SPRY3: variants seen among roughly 807,000 people sequenced by gnomAD.
The protein encoded by SPRY3 is protein sprouty homolog 3.
A neutral mutation model predicts 20.2 loss-of-function variants in SPRY3; 15 were observed. The observed-to-expected ratio is 0.74, with a 90% CI of 0.50 to 1.14. The LOEUF (loss-of-function observed/expected upper bound fraction) is 1.14. Ranked by LOEUF, SPRY3 falls within the 50% of genes most tolerant of loss-of-function variation. The probability of loss-of-function intolerance (pLI) is 0.00; values close to 1 mark genes in which losing one functional copy is unlikely to be tolerated. For synonymous variants in SPRY3, 143 were observed against 136.5 expected (o/e 1.05, Z -0.33); for missense variants, 364 against 363.9 (o/e 1.00, Z 0.00).
At chrX:155,635,065 G>A (rs1034300713) in intron 1 of SPRY3, among the ~76,000 whole-genome samples, 11 of 108,502 alleles carry the variant, frequency 1.0e-4, no homozygotes, top group Admixed American at 3.0e-4. Context: ...AGGCCCCAGC[G>A]TGTGATGCCC....
At chrX:155,674,075 G>A (rs2068052321) in intron 2 of SPRY3, among the ~76,000 whole-genome samples, 1 of 111,476 alleles carries the variant, frequency 9.0e-6, no homozygotes, top group Admixed American at 9.6e-5. Context: ...ATAACTGAAA[G>A]GAACCCAGAG....
chrX:155,750,703 A>C (rs1356035538), intron 2 of SPRY3, among the ~76,000 whole-genome samples: 1 of 151,834 alleles, frequency 6.6e-6, no homozygotes, highest in Non-Finnish European at 1.5e-5. Flanking sequence ...GTGAGAATGG[A>C]GTACTAGATT....
intron 2 of SPRY3, among the ~76,000 whole-genome samples, chrX:155,698,913 C>A (rs1461983623): frequency 9.0e-6 from 1 of 111,496 alleles, no homozygotes; most frequent in Non-Finnish European, 1.9e-5. Flanking sequence ...CAAAATTTAA[C>A]CTAATAAGTG....
At chrX:155,721,306 A>G (rs1173644902) in intron 2 of SPRY3, among the ~76,000 whole-genome samples, 1 of 152,178 alleles carries the variant, frequency 6.6e-6, no homozygotes, top group Non-Finnish European at 1.5e-5. Context: ...GGATCTAGAA[A>G]ATAGCCTGAA....
intron 1 of SPRY3, among the ~76,000 whole-genome samples, chrX:155,650,595 T>C (rs1320486836): frequency 8.9e-6 from 1 of 111,932 alleles, no homozygotes; most frequent in Non-Finnish European, 1.9e-5. Flanking sequence ...AGATCAAGTT[T>C]ATTAATTGGG....
At chrX:155,711,287 A>G (rs1267547907) in intron 2 of SPRY3, among the ~76,000 whole-genome samples, 1 of 151,392 alleles carries the variant, frequency 6.6e-6, no homozygotes, top group African/African-American at 2.4e-5. Flanking sequence ...TGGGTCCCAA[A>G]CTTTTCTTTA....
At chrX:155,763,667 C>A (rs1403437107) in intron 2 of SPRY3, among the ~76,000 whole-genome samples, 2 of 152,160 alleles carry the variant, frequency 1.3e-5, no homozygotes, top group Non-Finnish European at 2.9e-5. Flanking sequence ...AGACTCCATG[C>A]ACATTGCTAC....
Position 155,690,201 on chromosome X carries a change from C to T in SPRY3, c.-282+33176C>T, listed in dbSNP as rs1470147834. 6.7e-5 allele frequency among the ~76,000 whole-genome samples: 6 copies of T among 89,015 alleles called. 2 individuals carry two copies. The highest frequency in any genetic ancestry group is 3.2e-4 in the African/African-American group (6 of 18,674). 77.3% of individuals were successfully genotyped at this position (89,015 alleles called of 115,157 possible). On this transcript the variant is annotated intron_variant, in intron 2 of 3. Coordinates refer to ENST00000675360, the Ensembl canonical transcript of SPRY3. ...CAAGAGAGTGGTTGTTATGATTTCA[C>T]TTCTTTTGCATTTGCTTAGGAGTGT...
At chrX:155,623,957 C>A (rs1271714038) in intron 1 of SPRY3, among the ~76,000 whole-genome samples, 1 of 112,108 alleles carries the variant, frequency 8.9e-6, no homozygotes, top group Non-Finnish European at 1.9e-5. Flanking sequence ...ACATACCTTG[C>A]AGGATTAACG....
At chrX:155,688,738 T>C (rs951994295) in intron 2 of SPRY3, among the ~76,000 whole-genome samples, 1 of 106,139 alleles carries the variant, frequency 9.4e-6, no homozygotes, top group Non-Finnish European at 1.9e-5. Context: ...ATGTGCAGGT[T>C]TGTTACATAG....
At chrX:155,727,129 C>T (rs1312823658) in intron 2 of SPRY3, among the ~76,000 whole-genome samples, 1 of 152,112 alleles carries the variant, frequency 6.6e-6, no homozygotes, top group Non-Finnish European at 1.5e-5. Flanking sequence ...TGAATACTGG[C>T]CCCTACTCCC....
intron 2 of SPRY3, among the ~76,000 whole-genome samples, chrX:155,749,081 C>T (rs1019231251): frequency 6.6e-6 from 1 of 151,694 alleles, no homozygotes; most frequent in African/African-American, 2.4e-5. Context: ...CACACAATGC[C>T]CAATACATAA....
intron 2 of SPRY3, among the ~76,000 whole-genome samples, chrX:155,720,203 C>T (rs982632912): frequency 2.0e-5 from 3 of 152,124 alleles, no homozygotes; most frequent in Non-Finnish European, 2.9e-5. Context: ...CAGGGTGGGG[C>T]TCCTTTGAAT....
downstream of SPRY3, chrX:155,781,292 G>A (rs1163699832): frequency 6.0e-6 from 1 of 166,948 alleles, no homozygotes; most frequent in Non-Finnish European, 1.5e-5. Context: ...CTGGATTTGT[G>A]GTTTCCCTGG....
chrX:155,614,741 T>C (rs1418700842), intron 1 of SPRY3, among the ~76,000 whole-genome samples: 1 of 111,391 alleles, frequency 9.0e-6, no homozygotes, highest in Non-Finnish European at 1.9e-5. Flanking sequence ...AAAAGTCAGA[T>C]ATTTTACTGT....
chrX:155,646,558 A>G (rs2067958401), intron 1 of SPRY3, among the ~76,000 whole-genome samples: 1 of 110,864 alleles, frequency 9.0e-6, no homozygotes, highest in Non-Finnish European at 1.9e-5. Flanking sequence ...TCATAATTGT[A>G]ATGGGATTAT....
At chrX:155,725,203 C>G (rs1319887969) in intron 2 of SPRY3, among the ~76,000 whole-genome samples, 3 of 152,142 alleles carry the variant, frequency 2.0e-5, no homozygotes, top group African/African-American at 7.2e-5. Context: ...TTTTGATGTG[C>G]TGCTAGATTC....
At chrX:155,693,855 T>C (rs896310006) in intron 2 of SPRY3, among the ~76,000 whole-genome samples, 4 of 99,966 alleles carry the variant, frequency 4.0e-5, no homozygotes, top group African/African-American at 1.5e-4. Context: ...CAGGCAGGAA[T>C]ACAATGGCAC....
intron 2 of SPRY3, among the ~76,000 whole-genome samples, chrX:155,721,527 G>A (rs2091057815): frequency 6.6e-6 from 1 of 151,952 alleles, no homozygotes; most frequent in Non-Finnish European, 1.5e-5. Flanking sequence ...CAAAGGTCAA[G>A]GATAAAGAAA....
Sources: allele counts gnomAD v4.1 joint callset (sites outside exome capture counted in the v4.1 genomes callset), GRCh38; gene constraint gnomAD v4.1.1; transcripts MANE v1.5; gene names NCBI Gene and HGNC (gene_info 2026-07-23, HGNC 2026-07-21).